The following PLEKHH3 variants were observed in gnomAD, a reference collection of about 807,000 sequenced individuals.
The protein encoded by PLEKHH3 is pleckstrin homology domain-containing family H member 3.
A neutral mutation model predicts 77.8 loss-of-function variants in PLEKHH3; 57 were observed. The observed-to-expected ratio is 0.73, with a 90% confidence interval of 0.59 to 0.91. PLEKHH3 has a LOEUF of 0.91. Among genes scored for constraint, PLEKHH3 ranks in the 40% least tolerant of loss-of-function variants. The probability of loss-of-function intolerance (pLI) is 0.00; values close to 1 mark genes in which losing one functional copy is unlikely to be tolerated. For missense variants in PLEKHH3, 1,082 were observed against 1,091.2 expected (o/e 0.99, Z 0.12); for synonymous variants, 467 against 504.8 (o/e 0.93, Z 1.00).
At position 42,673,728 on chromosome 17, in the gene PLEKHH3, G is replaced by T; in HGVS notation, c.405C>A (p.Ser135Arg). 1 of 1,600,680 alleles carries T rather than the reference G, an allele frequency of 6.2e-7. No individual in the cohort carries two copies. ...TRDSLDQFSS[S>R]GKGARRLGSL... Reference sequence around the variant, plus strand: ...TCCCGAGACGCCGCGCCCCTTTCCCGCTGCTGCTGAACTGATCCAGGGAGT... The same window carrying T: ...TCCCGAGACGCCGCGCCCCTTTCCCTCTGCTGCTGAACTGATCCAGGGAGT... The change falls in exon 4 of 13, where the codon AGC becomes AGA. Residue 135 changes from serine (S) to arginine (R), a missense_variant. Physicochemically the swap from Ser to Arg is moderately radical, Grantham distance 110 (BLOSUM62 -1). Around this residue, in one of 3 missense-constraint regions of PLEKHH3, gnomAD observed 344 missense variants for 320.8 expected, o/e 1.07. Coordinates refer to ENST00000591022, the MANE Select transcript of PLEKHH3 (RefSeq NM_024927.5).
Position 42,673,386 on chromosome 17 carries a change from C to T in PLEKHH3, c.648+13G>A. ...TGGGGTCCACCACTCTCCTGGCTCT[C>T]CCTGGTGTGTACCTGTATGTCCCTG... On this transcript the variant is annotated intron_variant, in intron 5 of 12. Transcript: ENST00000591022. 1 of 1,613,072 alleles carries T rather than the reference C, an allele frequency of 6.2e-7. No individual in the cohort carries two copies. The highest frequency in any genetic ancestry group is 8.5e-7 in the Non-Finnish European group (1 of 1,179,688).
intron 1 of PLEKHH3, chr17:42,674,667 G>T: frequency 2.6e-6 from 1 of 389,108 alleles, no homozygotes; most frequent in African/African-American, 2.1e-5. Flanking sequence ...ATCAGGGGTA[G>T]GGTAGGGTGG....
chr17:42,671,813 G>T lies in PLEKHH3; in HGVS notation c.1077-255C>A, dbSNP rs2052708708. 1.3e-5 allele frequency among the ~76,000 whole-genome samples: 2 copies of T among 152,060 alleles called. No individual in the cohort carries two copies. The highest frequency in any genetic ancestry group is 4.1e-4 in the South Asian group (2 of 4,826). The stretch of plus-strand genomic sequence containing the variant: ...CGTGATCTTCCTTCGGCCTGAAATC[G>T]AAATCCAGCCACTTTACTACATTTT... On this transcript the variant is annotated intron_variant, in intron 7 of 12. Coordinates refer to ENST00000591022, the MANE Select transcript of PLEKHH3 (RefSeq NM_024927.5). This position sits in a 1 kb window ranked among gnomAD's most constrained non-coding sequence, Gnocchi z 4.7.
chr17:42,669,762 G>A (rs771781126), intron 11 of PLEKHH3, 141 bp from the exon 12 acceptor site: 129 of 1,481,852 alleles, frequency 8.7e-5, no homozygotes, highest in South Asian at 2.5e-4. Flanking sequence ...GAGGCTCCAG[G>A]GATGTGAGGG....
At position 42,671,529 on chromosome 17, in the gene PLEKHH3, A is replaced by C. The variant is rs1369405659; in HGVS notation, c.1106T>G (p.Leu369Arg). 1 of 1,612,298 alleles carries C rather than the reference A, an allele frequency of 6.2e-7. No homozygotes were observed. The highest frequency in any genetic ancestry group is 8.5e-7 in the Non-Finnish European group (1 of 1,179,730). The change falls in exon 8 of 13, where the codon CTG (leucine) becomes CGG (arginine). Residue 369 changes from leucine (L) to arginine (R), a missense_variant. Around this residue, in one of 3 missense-constraint regions of PLEKHH3, gnomAD observed 733 missense variants for 750.0 expected, o/e 0.98. Coordinates refer to ENST00000591022, the MANE Select transcript of PLEKHH3 (RefSeq NM_024927.5). This position sits in a 1 kb window ranked among gnomAD's most constrained non-coding sequence, Gnocchi z 4.7. ...CCGGATGAAGCGCGCATATTCCGCCAGTTCCGAGTCCGGGAGTGCCTGCTC... is the reference window on the plus strand; with the variant it reads ...CCGGATGAAGCGCGCATATTCCGCCCGTTCCGAGTCCGGGAGTGCCTGCTC... ...RTEQALPDSE[L>R]AEYARFIRKA...
rs1026333700 is a variant in PLEKHH3, at chr17:42,667,972, A to T, written c.*155T>A. The T allele has an allele frequency of 9.1e-6, 5 of 546,706 alleles. No homozygotes were observed. The highest frequency in any genetic ancestry group is 1.4e-5 in the Non-Finnish European group (5 of 362,920). 33.9% of individuals were successfully genotyped at this position (546,706 alleles called of 1,614,324 possible). On this transcript the variant is annotated 3_prime_UTR_variant, in exon 13 of 13. Coordinates refer to ENST00000591022, the MANE Select transcript of PLEKHH3 (RefSeq NM_024927.5). ...GCTTCTCTTCTACAAATAAATTAAG[A>T]AACAAACTAGAAAATTACCCACACC...
chr17:42,674,435 C>T, intron 1 of PLEKHH3, 26 bp from the exon 2 acceptor site: 2 of 1,565,936 alleles, frequency 1.3e-6, no homozygotes, highest in Non-Finnish European at 1.7e-6. Flanking sequence ...GGGAAGCCCT[C>T]AGGGTCAGAG....
At chr17:42,674,240 C>A (rs912435852) in intron 2 of PLEKHH3, 114 bp downstream of exon 2, 42 of 1,304,032 alleles carry the variant, frequency 3.2e-5, no homozygotes, top group Non-Finnish European at 4.1e-5. Flanking sequence ...CAAACCACAG[C>A]GTCCGGCATA....
chr17:42,669,841 T>A, intron 11 of PLEKHH3, 77 bp downstream of exon 11: 1 of 1,576,600 alleles, frequency 6.3e-7, no homozygotes, highest in Non-Finnish European at 8.6e-7. Context: ...TACGTGACAC[T>A]CCGTGGGACC....
chr17:42,669,698 G>A, intron 11 of PLEKHH3, 77 bp from the exon 12 acceptor site: 1 of 1,491,942 alleles, frequency 6.7e-7, no homozygotes, highest in East Asian at 2.4e-5. Flanking sequence ...GGGTGTCTGT[G>A]AGCAGGAGTA....
Position 42,676,509 on chromosome 17 carries a change from G to C in PLEKHH3, c.55C>G (p.Leu19Val), listed in dbSNP as rs1197628496. ...WLLCCRRGFT[L>V]LHRDYGDGEL... ...CCGTCCCCGTAGTCCCGGTGCAGAAGAGTGAAGCCTCGACGGCAGCAGAGA... is the reference window on the plus strand; with the variant it reads ...CCGTCCCCGTAGTCCCGGTGCAGAACAGTGAAGCCTCGACGGCAGCAGAGA... The change falls in exon 1 of 13, where the codon CTT (leucine) becomes GTT (valine). Residue 19 changes from leucine to valine, a missense_variant. Coordinates refer to ENST00000591022, the MANE Select transcript of PLEKHH3 (RefSeq NM_024927.5). The surrounding 1 kb of genome is among the most constrained non-coding windows in gnomAD (Gnocchi z 6.6). 6.2e-7 allele frequency: 1 copy of C among 1,605,288 alleles called. No homozygotes were observed. The highest frequency in any genetic ancestry group is 1.7e-4 in the Middle Eastern group (1 of 6,044).
rs200648100 is a variant in PLEKHH3 at position 42,670,670 on chromosome 17, G to A, written c.1457C>T (p.Pro486Leu). ...AAEEAGLEDS[P>L]DSGWRLCLRL... ...CAGACATAGTCTCCACCCGGAGTCG[G>A]GCGAGTCCTCCAACCCAGCTTCCTC... Residue 486 changes from proline to leucine, a missense_variant, in exon 10 of 13, where the codon CCC (proline) becomes CTC (leucine). Pro to Leu is a moderately conservative substitution (Grantham distance 98, BLOSUM62 -3). Transcript: ENST00000591022. The A allele has an allele frequency of 8.7e-6, 14 of 1,613,002 alleles. No homozygotes were observed. The Admixed American group carries it at 1.0e-4, about 12-fold the overall frequency.
rs1255313515 is a variant in PLEKHH3, at chr17:42,671,576, C to G, written c.1077-18G>C. The G allele has an allele frequency of 3.1e-6, 5 of 1,596,502 alleles. No individual in the cohort carries two copies. In the Admixed American group the frequency reaches 8.7e-5, roughly 28 times the overall value. ...GCTCGGTCCTGGGTTAGGAGGAACC[C>G]AGGGATCAATACTCCAAGGGCTTTC... On this transcript the variant is annotated intron_variant, in intron 7 of 12. Coordinates refer to ENST00000591022, the MANE Select transcript of PLEKHH3 (RefSeq NM_024927.5). The surrounding 1 kb of genome is among the most constrained non-coding windows in gnomAD (Gnocchi z 4.7).
At chr17:42,670,833 G>A in intron 9 of PLEKHH3, 128 bp from the exon 10 acceptor site, 1 of 1,516,856 alleles carries the variant, frequency 6.6e-7, no homozygotes, top group Non-Finnish European at 8.9e-7. Flanking sequence ...AGGTGATGCT[G>A]CAGTCGGACT....
chr17:42,675,905 C>T, intron 1 of PLEKHH3: 1 of 1,009,396 alleles, frequency 9.9e-7, no homozygotes, highest in Non-Finnish European at 1.2e-6. Context: ...TCCCACCTCC[C>T]TCTCCTTGGG....
Position 42,676,721 on chromosome 17 carries a change from G to T in PLEKHH3, c.-158C>A. Reference sequence around the variant, plus strand: ...AGGAGGCAGTGTCCTGGGCTGGGGTGCAAGGGGACGCTAGCCAGACGCTGA... The same window carrying T: ...AGGAGGCAGTGTCCTGGGCTGGGGTTCAAGGGGACGCTAGCCAGACGCTGA... On this transcript the variant is annotated 5_prime_UTR_variant, in exon 1 of 13. Coordinates refer to ENST00000591022, the MANE Select transcript of PLEKHH3 (RefSeq NM_024927.5). The surrounding 1 kb of genome is among the most constrained non-coding windows in gnomAD (Gnocchi z 6.6). 1.4e-6 allele frequency: 1 copy of T among 709,880 alleles called. No individual in the cohort carries two copies. Among genetic ancestry groups the T allele is most frequent in the Non-Finnish European group, 2.4e-6 (1 of 424,232 alleles). The allele number at this position is 709,880 out of a possible 1,614,324, so 44.0% of individuals were successfully genotyped here. A position where few individuals can be genotyped will look rare whatever the true frequency, so the allele number is the denominator to read the frequency against.
In PLEKHH3 at chr17:42,671,675, A is replaced by G. The variant is rs963317950; in HGVS notation, c.1077-117T>C. On this transcript the variant is annotated intron_variant, in intron 7 of 12. Transcript: ENST00000591022. The surrounding 1 kb of genome is among the most constrained non-coding windows in gnomAD (Gnocchi z 4.7). Reference sequence around the variant, plus strand: ...CCGATTTCCTCCCCGCCCCAACTCAAGTTCTTTGAAGGCTCTTCTAAATCT... The same window carrying G: ...CCGATTTCCTCCCCGCCCCAACTCAGGTTCTTTGAAGGCTCTTCTAAATCT... The G allele has an allele frequency of 9.2e-7, 1 of 1,083,054 alleles. No homozygotes were observed. Among genetic ancestry groups the G allele is most frequent in the African/African-American group, 1.6e-5 (1 of 62,852 alleles). The allele number at this position is 1,083,054 out of a possible 1,614,324, so 67.1% of individuals were successfully genotyped here. A position where few individuals can be genotyped will look rare whatever the true frequency, so the allele number is the denominator to read the frequency against.
In PLEKHH3 at chr17:42,676,316, G is replaced by C. The variant is rs796243002; in HGVS notation, c.162+86C>G. On this transcript the variant is annotated intron_variant, in intron 1 of 12. Coordinates refer to ENST00000591022, the MANE Select transcript of PLEKHH3 (RefSeq NM_024927.5). This position sits in a 1 kb window ranked among gnomAD's most constrained non-coding sequence, Gnocchi z 6.6. ...ATCCCTAGTTCGCCAAGCGCGCAGCGTGTGGCTGGAGGCTGGAGCGGATCA... is the reference window on the plus strand; with the variant it reads ...ATCCCTAGTTCGCCAAGCGCGCAGCCTGTGGCTGGAGGCTGGAGCGGATCA... 6.4e-6 allele frequency: 10 copies of C among 1,571,972 alleles called. No homozygotes were observed. Among genetic ancestry groups the C allele is most frequent in the South Asian group, 5.7e-5 (5 of 87,228 alleles).
chr17:42,669,505 G>A lies in PLEKHH3; in HGVS notation c.2130C>T (p.Ala710=), dbSNP rs1345004929. The change falls in exon 12 of 13, where the codon GCC becomes GCT. Residue 710 remains alanine (A), a synonymous_variant. Coordinates refer to ENST00000591022, the MANE Select transcript of PLEKHH3 (RefSeq NM_024927.5). ...TGTGGGGGCCCATTAGCTGGCAGGC[G>A]GCCACATGGCCATAGCTGACACTGT... ...PIHSVSYGHV[A]ACQLMGPHTL... is the part of the protein sequence containing the mutation. The A allele has an allele frequency of 3.7e-6, 6 of 1,606,206 alleles. No individual in the cohort carries two copies. Among genetic ancestry groups the A allele is most frequent in the South Asian group, 3.3e-5 (3 of 90,684 alleles).
Sources: allele counts gnomAD v4.1 joint callset (sites outside exome capture counted in the v4.1 genomes callset), GRCh38; gene constraint gnomAD v4.1.1; regional missense constraint gnomAD v4.1.1; non-coding constraint Gnocchi (gnomAD v3.1); transcripts MANE v1.5; gene names NCBI Gene and HGNC (gene_info 2026-07-23, HGNC 2026-07-21).